LGR5: variants seen among roughly 807,000 people sequenced by gnomAD.
The protein encoded by LGR5 is leucine-rich repeat-containing G protein-coupled receptor 5.
Under a neutral mutation model 76.7 loss-of-function variants are expected in LGR5, and 54 were observed. That is an observed-to-expected ratio of 0.70 (90% CI 0.57 to 0.88). LGR5 has a LOEUF of 0.88. Ranked by LOEUF, LGR5 falls within the 40% of genes least tolerant of loss-of-function variation. The pLI, the probability that LGR5 is intolerant of heterozygous loss-of-function variation, is 0.00. For synonymous variants in LGR5, 406 were observed against 421.9 expected, an observed-to-expected ratio of 0.96 and a Z score of 0.46; for missense variants, 1,078 against 1,073.3, an observed-to-expected ratio of 1.00 and a Z score of -0.06.
chr12:71,580,154 A>G, intron 15 of LGR5, 124 bp from the exon 16 acceptor site: 2 of 835,998 alleles, frequency 2.4e-6, no homozygotes, highest in South Asian at 1.9e-5. Context: ...TGCATAACTT[A>G]TACTTTGGAT....
rs753832960 is a variant in LGR5, at chr12:71,440,076, G to A, written c.-5G>A. 6 of 1,600,858 alleles carry A rather than the reference G, an allele frequency of 3.7e-6. No individual in the cohort carries two copies. In the Admixed American group the frequency reaches 1.0e-4, roughly 27 times the overall value. ...TCCGGCTCGTGGCCCCCTACTTCGGGCACCATGGACACCTCCCGGCTCGGT... is the reference window on the plus strand; with the variant it reads ...TCCGGCTCGTGGCCCCCTACTTCGGACACCATGGACACCTCCCGGCTCGGT... On this transcript the variant is annotated 5_prime_UTR_variant, in exon 1 of 18. Transcript: ENST00000266674. The surrounding 1 kb of genome is among the most constrained non-coding windows in gnomAD (Gnocchi z 5.3).
chr12:71,507,219 A>G (rs917583720), intron 2 of LGR5, among the ~76,000 whole-genome samples: 2 of 152,222 alleles, frequency 1.3e-5, no homozygotes, highest in African/African-American at 4.8e-5. Context: ...CAGAGCCAAG[A>G]TTCAAACCTA....
Position 71,542,856 on chromosome 12 carries a change from G to T in LGR5, c.428+7670G>T, listed in dbSNP as rs144743610. On this transcript the variant is annotated intron_variant, in intron 4 of 17. Coordinates refer to ENST00000266674, the MANE Select transcript of LGR5 (RefSeq NM_003667.4). The stretch of plus-strand genomic sequence containing the variant: ...GAGATGTCACATAGTTTGAAATCCA[G>T]ATCTGGATGGAAAGAAAAAAAAAAA... Among the ~76,000 whole-genome samples the T allele has an allele frequency of 8.6e-5, 13 of 151,606 alleles. 1 individual carries two copies. The South Asian group carries it at 2.7e-3, about 32-fold the overall frequency.
rs997733670 is a variant in LGR5 at position 71,586,112 on chromosome 12, A to T, written c.*1378A>T. 5 of 152,192 alleles carry T rather than the reference A, an allele frequency of 3.3e-5. No homozygotes were observed. Among genetic ancestry groups the T allele is most frequent in the Non-Finnish European group, 7.4e-5 (5 of 68,026 alleles). 9.4% of individuals were successfully genotyped at this position (152,192 alleles called of 1,614,324 possible). A position where few individuals can be genotyped will look rare whatever the true frequency, so the allele number is the denominator to read the frequency against. ...TTATTACTATAGTAAAGGTTCAGTA[A>T]CATTAAGGACCATGATAATGATAAT... On this transcript the variant is annotated 3_prime_UTR_variant, in exon 18 of 18. Transcript: ENST00000266674.
intron 1 of LGR5, among the ~76,000 whole-genome samples, chr12:71,445,383 G>A (rs940952886): frequency 6.6e-6 from 1 of 152,104 alleles, no homozygotes; most frequent in Non-Finnish European, 1.5e-5. Flanking sequence ...ATGTATCTTG[G>A]TAGAATTTCA....
intron 1 of LGR5, among the ~76,000 whole-genome samples, chr12:71,474,026 G>T (rs142632532): frequency 6.6e-6 from 1 of 152,086 alleles, no homozygotes; most frequent in African/African-American, 2.4e-5. Flanking sequence ...CTTCAAAAAT[G>T]AGCCCTGGGA....
chr12:71,441,242 T>C (rs1455235244), intron 1 of LGR5, among the ~76,000 whole-genome samples: 2 of 152,206 alleles, frequency 1.3e-5, no homozygotes, highest in East Asian at 3.9e-4. Flanking sequence ...GTGAACGCGG[T>C]GACCCAGGAG....
chr12:71,557,769 G>A (rs542758609), intron 6 of LGR5, among the ~76,000 whole-genome samples: 27 of 152,206 alleles, frequency 1.8e-4, no homozygotes, highest in East Asian at 1.4e-3. Flanking sequence ...TGCTGGGAGA[G>A]GAGGGTAGTT....
In LGR5 at chr12:71,553,152, G is replaced by A; in HGVS notation, c.508G>A (p.Asp170Asn). Residue 170 changes from aspartate (D) to asparagine (N), a missense_variant, in exon 5 of 18, where the codon GAT becomes AAT. Transcript: ENST00000266674. ...GLHSLRHLWLDDNALTEIPVQ... is the reference protein window; with the variant it reads ...GLHSLRHLWLNDNALTEIPVQ... ...GCATTCCCTGAGGCACCTGTGGCTG[G>A]ATGACAATGCGTTAACAGAAATCCC... is the stretch of plus-strand genomic sequence containing the variant. 1.9e-6 allele frequency: 3 copies of A among 1,614,018 alleles called. No homozygotes were observed. Among genetic ancestry groups the A allele is most frequent in the Admixed American group, 1.7e-5 (1 of 59,994 alleles).
At position 71,556,710 on chromosome 12, in the gene LGR5, G is replaced by T. The variant is rs1391088179; in HGVS notation, c.716+20G>T. 6.4e-7 allele frequency: 1 copy of T among 1,569,784 alleles called. No homozygotes were observed. Among genetic ancestry groups the T allele is most frequent in the Admixed American group, 1.7e-5 (1 of 59,746 alleles). Reference sequence around the variant, plus strand: ...GACTTTGTGAGTTGACCTTTTATTTGTTTCCCTTTTTTCAGTATTTTCATG... The same window carrying T: ...GACTTTGTGAGTTGACCTTTTATTTTTTTCCCTTTTTTCAGTATTTTCATG... On this transcript the variant is annotated intron_variant, in intron 6 of 17. Coordinates refer to ENST00000266674, the MANE Select transcript of LGR5 (RefSeq NM_003667.4).
At chr12:71,515,643 A>G (rs1394762220) in intron 2 of LGR5, among the ~76,000 whole-genome samples, 1 of 152,214 alleles carries the variant, frequency 6.6e-6, no homozygotes, top group African/African-American at 2.4e-5. Flanking sequence ...AGGGAAAACT[A>G]TTACCATTAA....
chr12:71,585,389 A>G lies in LGR5; in HGVS notation c.*655A>G, dbSNP rs951817877. ...CTAGATGGTTCCACCCTCATGGGAT[A>G]AAACTGCTTACAAGTATTTTGAAAG... On this transcript the variant is annotated 3_prime_UTR_variant, in exon 18 of 18. Transcript: ENST00000266674. 1 of 152,282 alleles carries G rather than the reference A, an allele frequency of 6.6e-6. No homozygotes were observed. The highest frequency in any genetic ancestry group is 1.5e-5 in the Non-Finnish European group (1 of 68,062). The allele number at this position is 152,282 out of a possible 1,614,324, so 9.4% of individuals were successfully genotyped here.
At position 71,584,074 on chromosome 12, in the gene LGR5, T is replaced by C; in HGVS notation, c.2064T>C (p.Cys688=). Residue 688 remains cysteine, a synonymous_variant, in exon 18 of 18, where the codon TGT becomes TGC. Coordinates refer to ENST00000266674, the MANE Select transcript of LGR5 (RefSeq NM_003667.4). ...FSSLKVIILL[C]ALLALTMAAV... Reference sequence around the variant, plus strand: ...GCCTGAAAGTAATCATTTTGCTCTGTGCCCTGCTGGCCTTGACCATGGCCG... The same window carrying C: ...GCCTGAAAGTAATCATTTTGCTCTGCGCCCTGCTGGCCTTGACCATGGCCG... 1 of 1,614,252 alleles carries C rather than the reference T, an allele frequency of 6.2e-7. No individual in the cohort carries two copies. The highest frequency in any genetic ancestry group is 1.1e-5 in the South Asian group (1 of 91,078).
At chr12:71,469,585 G>A (rs182122776) in intron 1 of LGR5, among the ~76,000 whole-genome samples, 1 of 152,358 alleles carries the variant, frequency 6.6e-6, no homozygotes, top group East Asian at 1.9e-4. Flanking sequence ...GAAGCCAAGA[G>A]GGGCAGGAGA....
chr12:71,570,053 C>T (rs2137451370), intron 11 of LGR5, among the ~76,000 whole-genome samples: 1 of 152,138 alleles, frequency 6.6e-6, no homozygotes, highest in African/African-American at 2.4e-5. Flanking sequence ...CAAACTAATG[C>T]AGGAACAGAA....
intron 3 of LGR5, among the ~76,000 whole-genome samples, chr12:71,533,285 C>T (rs1385378521): frequency 6.6e-6 from 1 of 152,150 alleles, no homozygotes; most frequent in Non-Finnish European, 1.5e-5. Context: ...GCAGAGGTTG[C>T]AGTGGGCCGA....
At chr12:71,531,635 AG>A (rs1250396586) in intron 3 of LGR5, among the ~76,000 whole-genome samples, 2 of 152,202 alleles carry the variant, frequency 1.3e-5, no homozygotes, top group East Asian at 3.8e-4. Flanking sequence ...TGGAAGGCCA[AG>A]GTGGGTAGAT....
In LGR5 at chr12:71,582,384, C is replaced by T; in HGVS notation, c.1553-72C>T. The T allele has an allele frequency of 5.0e-6, 6 of 1,208,894 alleles. No homozygotes were observed. The Admixed American group carries it at 1.0e-4, about 20-fold the overall frequency. 74.9% of individuals were successfully genotyped at this position (1,208,894 alleles called of 1,614,324 possible). A position where few individuals can be genotyped will look rare whatever the true frequency, so the allele number is the denominator to read the frequency against. On this transcript the variant is annotated intron_variant, in intron 16 of 17. Coordinates refer to ENST00000266674, the MANE Select transcript of LGR5 (RefSeq NM_003667.4). Reference sequence around the variant, plus strand: ...TTCATGTCTCCAGAATAACCCAGGACTCTCCACTCTGGGATTTGGTCCCTT... The same window carrying T: ...TTCATGTCTCCAGAATAACCCAGGATTCTCCACTCTGGGATTTGGTCCCTT...
chr12:71,534,083 T>G (rs1372207974), intron 3 of LGR5, among the ~76,000 whole-genome samples: 1 of 152,194 alleles, frequency 6.6e-6, no homozygotes, highest in African/African-American at 2.4e-5. Flanking sequence ...AGTTTGCAAC[T>G]TAATAAGTAG....
Sources: allele counts gnomAD v4.1 joint callset (sites outside exome capture counted in the v4.1 genomes callset), GRCh38; gene constraint gnomAD v4.1.1; non-coding constraint Gnocchi (gnomAD v3.1); transcripts MANE v1.5; gene names NCBI Gene and HGNC (gene_info 2026-07-23, HGNC 2026-07-21).